LPIN2: variants seen among roughly 807,000 people sequenced by gnomAD.
LPIN2 encodes lipin 2.
A neutral mutation model predicts 111.4 loss-of-function variants in LPIN2; 55 were observed. That is an observed-to-expected ratio of 0.49 (90% CI 0.40 to 0.62). LPIN2 has a LOEUF of 0.62. Among genes scored for constraint, LPIN2 ranks in the 20% least tolerant of loss-of-function variants. The pLI is 0.00. For missense variants in LPIN2, 992 were observed against 1,112.1 expected (o/e 0.89, Z 1.54); for synonymous variants, 425 against 414.0 (o/e 1.03, Z -0.32).
chr18:2,946,140 T>A, intron 4 of LPIN2: 4 of 1,604,320 alleles, frequency 2.5e-6, no homozygotes, highest in African/African-American at 2.7e-5. Flanking sequence ...GATGACAGTT[T>A]AAGTTTATCA....
intron 1 of LPIN2, among the ~76,000 whole-genome samples, chr18:2,996,039 A>C (rs1231224791): frequency 2.6e-5 from 4 of 152,134 alleles, no homozygotes; most frequent in Non-Finnish European, 5.9e-5. Context: ...CAAACTTAAG[A>C]CTTATTAATA....
rs978095216 is a variant in LPIN2 at position 2,919,943 on chromosome 18, T to A, written c.*350A>T. ...CAGTGGAAACTGGAACACTTCACTG[T>A]GTGCAGTGTTTTGGTCCACTCTTTT... is the stretch of plus-strand genomic sequence containing the variant. On this transcript the variant is annotated 3_prime_UTR_variant, in exon 20 of 20. Transcript: ENST00000677752. 2 of 368,098 alleles carry A rather than the reference T, an allele frequency of 5.4e-6. No homozygotes were observed. The highest frequency in any genetic ancestry group is 5.3e-6 in the Non-Finnish European group (1 of 190,336). The allele number at this position is 368,098 out of a possible 1,614,324, so 22.8% of individuals were successfully genotyped here.
rs540770406 is a variant in LPIN2, at chr18:2,921,691, G to A, written c.2328-44C>T. Reference sequence around the variant, plus strand: ...TACAATCACCAATCTCAAAATGGTCGTTTTCCCCAGTGAGTGGTCCTAAAA... The same window carrying A: ...TACAATCACCAATCTCAAAATGGTCATTTTCCCCAGTGAGTGGTCCTAAAA... On this transcript the variant is annotated intron_variant, in intron 17 of 19. Coordinates refer to ENST00000677752, the MANE Select transcript of LPIN2 (RefSeq NM_001375808.2). The A allele has an allele frequency of 8.2e-5, 113 of 1,370,368 alleles. 2 individuals carry two copies. The highest frequency in any genetic ancestry group is 3.7e-4 in the South Asian group (32 of 85,840). The allele number at this position is 1,370,368 out of a possible 1,614,324, so 84.9% of individuals were successfully genotyped here.
At chr18:2,941,072 T>C (rs191751956) in intron 4 of LPIN2, among the ~76,000 whole-genome samples, 40 of 152,284 alleles carry the variant, frequency 2.6e-4, no homozygotes, top group African/African-American at 9.4e-4. Flanking sequence ...TAATCAAGGA[T>C]CCAGAGAAAT....
At chr18:2,923,625 C>T (rs1173167136) in intron 16 of LPIN2, 150 bp downstream of exon 16, 4 of 755,750 alleles carry the variant, frequency 5.3e-6, no homozygotes, top group African/African-American at 1.7e-5. Flanking sequence ...ACGGCTCCCA[C>T]ACCATCAACA....
chr18:2,959,889 C>T (rs558052979), intron 2 of LPIN2, among the ~76,000 whole-genome samples: 8 of 151,908 alleles, frequency 5.3e-5, no homozygotes, highest in South Asian at 2.1e-4. Flanking sequence ...TGGCCAGGTG[C>T]GGTGGCTCTA....
chr18:2,940,695 G>A lies in LPIN2; in HGVS notation c.608C>T (p.Ser203Phe), dbSNP rs144555528. ...CTCTTTACATTCTTCTTCTTTCAAG[G>A]AAGCATTTGAAGATCCTCTGTGAAG... ...AQAARGSSNA[S>F]LKEEECKEPL... Residue 203 changes from serine to phenylalanine, a missense_variant, in exon 5 of 20, where the codon TCC (serine) becomes TTC (phenylalanine). This residue lies in a region of LPIN2 where 709 missense variants were observed against 753.2 expected (regional missense o/e 0.94). Coordinates refer to ENST00000677752, the MANE Select transcript of LPIN2 (RefSeq NM_001375808.2). The A allele has an allele frequency of 1.8e-3, 2,834 of 1,609,308 alleles. 59 individuals carry two copies. The South Asian group carries it at 0.03, about 17-fold the overall frequency.
At chr18:3,012,664 G>A (rs1379494477) in intron 1 of LPIN2, among the ~76,000 whole-genome samples, 2 of 152,022 alleles carry the variant, frequency 1.3e-5, no homozygotes, top group African/African-American at 4.8e-5. Flanking sequence ...GCGGGATGGA[G>A]ACGCGGCCTC....
chr18:2,919,454 G>A lies in LPIN2; in HGVS notation c.*839C>T, dbSNP rs1360429747. The A allele has an allele frequency of 6.6e-6, 1 of 152,424 alleles. No homozygotes were observed. The highest frequency in any genetic ancestry group is 2.4e-5 in the African/African-American group (1 of 41,576). 9.4% of individuals were successfully genotyped at this position (152,424 alleles called of 1,614,324 possible). On this transcript the variant is annotated 3_prime_UTR_variant, in exon 20 of 20. Transcript: ENST00000677752. ...GCAGAGGGATTCAGCGCTCTTCCCAGGACCCCACTCAACCGCCTATCTGCA... is the reference window on the plus strand; with the variant it reads ...GCAGAGGGATTCAGCGCTCTTCCCAAGACCCCACTCAACCGCCTATCTGCA...
At chr18:2,969,735 A>C (rs2077874112) in intron 1 of LPIN2, among the ~76,000 whole-genome samples, 1 of 152,156 alleles carries the variant, frequency 6.6e-6, no homozygotes, top group Non-Finnish European at 1.5e-5. Flanking sequence ...CCCAACCCAG[A>C]CCTACTACAT....
Position 2,926,748 on chromosome 18 carries a change from T to C in LPIN2, c.1768A>G (p.Ser590Gly). ...CTGGCACCGGCCGGCTCCTTGGAGCTGGATGGCAGGTCACTGGCTGGCGGT... is the reference window on the plus strand; with the variant it reads ...CTGGCACCGGCCGGCTCCTTGGAGCCGGATGGCAGGTCACTGGCTGGCGGT... ...EAPPASDLPS[S>G]SKEPAGARPA... Residue 590 changes from serine (S) to glycine (G), a missense_variant, in exon 13 of 20, where the codon AGC becomes GGC. Ser to Gly is a moderately conservative substitution (Grantham distance 56). Around this residue, in one of 4 missense-constraint regions of LPIN2, gnomAD observed 709 missense variants for 753.2 expected, o/e 0.94. Transcript: ENST00000677752. The C allele has an allele frequency of 6.2e-7, 1 of 1,613,628 alleles. No individual in the cohort carries two copies. The highest frequency in any genetic ancestry group is 8.5e-7 in the Non-Finnish European group (1 of 1,179,996).
Position 2,949,753 on chromosome 18 carries a change from T to C in LPIN2, c.590+1302A>G, listed in dbSNP as rs2077506074. 2.0e-5 allele frequency among the ~76,000 whole-genome samples: 3 copies of C among 152,370 alleles called. 1 individual carries two copies. Among genetic ancestry groups the C allele is most frequent in the Middle Eastern group, 6.8e-3 (2 of 294 alleles). ...TGAATTGTTTTACAAAAAAGGATTA[T>C]ACTATGTTATTCATTAATGCAGTAT... On this transcript the variant is annotated intron_variant, in intron 4 of 19. Transcript: ENST00000677752.
intron 8 of LPIN2, among the ~76,000 whole-genome samples, chr18:2,932,388 G>A (rs777090261): frequency 6.6e-6 from 1 of 152,236 alleles, no homozygotes; most frequent in Non-Finnish European, 1.5e-5. Context: ...GGTGGCAGCA[G>A]ACTACAGATT....
intron 1 of LPIN2, among the ~76,000 whole-genome samples, chr18:2,976,006 C>T (rs750966971): frequency 1.1e-4 from 17 of 152,198 alleles, no homozygotes; most frequent in Non-Finnish European, 1.5e-4. Context: ...GGAATTTGTA[C>T]GATTCTTCCA....
intron 3 of LPIN2, among the ~76,000 whole-genome samples, chr18:2,952,778 T>C (rs1346342224): frequency 6.6e-6 from 1 of 152,216 alleles, no homozygotes; most frequent in African/African-American, 2.4e-5. Context: ...ATAGCAATGT[T>C]TGTAGGATGA....
intron 1 of LPIN2, among the ~76,000 whole-genome samples, chr18:2,983,625 C>G (rs1233521310): frequency 6.6e-6 from 1 of 152,132 alleles, no homozygotes; most frequent in East Asian, 1.9e-4. Context: ...CAATGGCAAT[C>G]AGGCCAGTAC....
chr18:2,948,264 G>A (rs553746300), intron 4 of LPIN2: 1 of 152,272 alleles, frequency 6.6e-6, no homozygotes, highest in East Asian at 1.9e-4. Context: ...CCTAGCTTAC[G>A]TGTGTTGTGA....
chr18:2,957,672 AT>A (rs2077633598), intron 2 of LPIN2, among the ~76,000 whole-genome samples: 1 of 152,124 alleles, frequency 6.6e-6, no homozygotes, highest in Non-Finnish European at 1.5e-5. Flanking sequence ...GAGTTAACAG[AT>A]TGTGAGCCTG....
intron 1 of LPIN2, among the ~76,000 whole-genome samples, chr18:2,999,529 G>A (rs1041354873): frequency 1.3e-5 from 2 of 151,892 alleles, no homozygotes; most frequent in Admixed American, 6.6e-5. Context: ...GGCATGGCCC[G>A]GGAGGCGGAG....
Sources: allele counts gnomAD v4.1 joint callset (sites outside exome capture counted in the v4.1 genomes callset), GRCh38; gene constraint gnomAD v4.1.1; regional missense constraint gnomAD v4.1.1; transcripts MANE v1.5; gene names NCBI Gene and HGNC (gene_info 2026-07-23, HGNC 2026-07-21).